NPAS3: variants seen among roughly 807,000 people sequenced by gnomAD.
NPAS3 encodes the protein neuronal PAS domain-containing protein 3.
Under a neutral mutation model 73.1 loss-of-function variants are expected in NPAS3, and 14 were observed. That is an observed-to-expected ratio of 0.19 (90% CI 0.13 to 0.30). NPAS3 has a LOEUF of 0.30. NPAS3 is among the 10% of genes least tolerant of loss of function. NPAS3 has a pLI of 1.00. For synonymous variants in NPAS3, 620 were observed against 541.5 expected, an observed-to-expected ratio of 1.14 and a Z score of -2.01; for missense variants, 1,096 against 1,250.0, an observed-to-expected ratio of 0.88 and a Z score of 1.86.
Position 33,172,938 on chromosome 14 carries a change from T to A in NPAS3, c.141-42244T>A, listed in dbSNP as rs139642517. ...AGGAGGTTATTATTAATCATGTAAT[T>A]TTAGTGAGAGAAAAACTTTATTTTC... On this transcript the variant is annotated intron_variant, in intron 2 of 11. Coordinates refer to ENST00000356141, the Ensembl canonical transcript of NPAS3. Among the ~76,000 whole-genome samples the A allele has an allele frequency of 1.9e-4, 29 of 152,242 alleles. No homozygotes were observed. In the East Asian group the frequency reaches 5.0e-3, roughly 26 times the overall value.
chr14:32,959,608 T>C (rs1017858928), intron 1 of NPAS3, among the ~76,000 whole-genome samples: 9 of 152,232 alleles, frequency 5.9e-5, no homozygotes, highest in South Asian at 2.1e-4. Flanking sequence ...CAGTTTCTCA[T>C]AGACAGAGAC....
intron 1 of NPAS3, among the ~76,000 whole-genome samples, chr14:32,946,344 A>ACGCGCG (rs1160316544): frequency 2.7e-4 from 29 of 107,908 alleles, no homozygotes; most frequent in African/African-American, 9.1e-4. Context: ...ACACACACAC[A>ACGCGCG]CGCGCACACA....
chr14:32,977,065 C>CACACACACAT (rs2037708876), intron 1 of NPAS3, among the ~76,000 whole-genome samples: 1 of 151,834 alleles, frequency 6.6e-6, no homozygotes, highest in African/African-American at 2.4e-5. Context: ...CACACACACA[C>CACACACACAT]ACATACACAC....
At chr14:33,068,277 G>A (rs2041350291) in intron 2 of NPAS3, among the ~76,000 whole-genome samples, 1 of 152,178 alleles carries the variant, frequency 6.6e-6, no homozygotes, top group Non-Finnish European at 1.5e-5. Flanking sequence ...CTGCCTTTCA[G>A]CCTCCCTATA....
At chr14:33,687,954 A>G (rs889973497) in intron 6 of NPAS3, among the ~76,000 whole-genome samples, 5 of 152,230 alleles carry the variant, frequency 3.3e-5, no homozygotes, top group African/African-American at 1.2e-4. Context: ...AGGTAAATCT[A>G]TGTATCAGTT....
intron 5 of NPAS3, among the ~76,000 whole-genome samples, chr14:33,610,508 C>T (rs530374388): frequency 6.6e-6 from 1 of 151,734 alleles, no homozygotes; most frequent in South Asian, 2.1e-4. Context: ...TCTTGTATGA[C>T]AAAAAAACAA....
intron 7 of NPAS3, among the ~76,000 whole-genome samples, chr14:33,745,679 T>A (rs2140720643): frequency 6.6e-6 from 1 of 152,332 alleles, no homozygotes; most frequent in South Asian, 2.1e-4. Context: ...AAAGTAGTAA[T>A]TCATCAGTAA....
chr14:33,442,412 TA>T (rs59873637), intron 4 of NPAS3, among the ~76,000 whole-genome samples: 13,406 of 147,424 alleles, frequency 0.091, 659 homozygotes, highest in African/African-American at 0.13. Context: ...GTTCCTGTCT[TA>T]AAAAAAAAAA....
At chr14:33,223,674 C>T (rs2047516744) in intron 3 of NPAS3, among the ~76,000 whole-genome samples, 2 of 152,064 alleles carry the variant, frequency 1.3e-5, no homozygotes. Context: ...AATAGTCTTC[C>T]TTGGACTATA....
intron 2 of NPAS3, among the ~76,000 whole-genome samples, chr14:33,175,073 T>C (rs2045537157): frequency 6.6e-6 from 1 of 152,206 alleles, no homozygotes; most frequent in Non-Finnish European, 1.5e-5. Context: ...ACTGTATTTT[T>C]TTTCTCTGAT....
chr14:32,939,324 C>A, exon 1 of NPAS3: 1 of 735,758 alleles, frequency 1.4e-6, no homozygotes, highest in East Asian at 3.3e-5. Flanking sequence ...AAGATGGCGC[C>A]CACCAAGCCC....
At chr14:33,259,724 T>G (rs2139946575) in intron 3 of NPAS3, among the ~76,000 whole-genome samples, 1 of 152,326 alleles carries the variant, frequency 6.6e-6, no homozygotes, top group East Asian at 1.9e-4. Context: ...GCATGAACCC[T>G]TGTCTATAGA....
At chr14:33,221,173 T>C (rs2047412138) in intron 3 of NPAS3, among the ~76,000 whole-genome samples, 1 of 152,178 alleles carries the variant, frequency 6.6e-6, no homozygotes, top group Non-Finnish European at 1.5e-5. Context: ...AGTTCTTTCA[T>C]GCTGATGGAG....
chr14:33,434,436 A>G (rs1269370739), intron 4 of NPAS3, among the ~76,000 whole-genome samples: 2 of 151,858 alleles, frequency 1.3e-5, no homozygotes, highest in African/African-American at 4.8e-5. Context: ...CTGAGGTGGG[A>G]GGATCACTTG....
chr14:33,374,920 G>C (rs1225922942), intron 4 of NPAS3, among the ~76,000 whole-genome samples: 1 of 152,126 alleles, frequency 6.6e-6, no homozygotes, highest in Non-Finnish European at 1.5e-5. Flanking sequence ...TTTGATGGTA[G>C]TGTTTTCAAA....
chr14:33,370,127 T>A (rs1354314828), intron 4 of NPAS3, among the ~76,000 whole-genome samples: 4 of 152,140 alleles, frequency 2.6e-5, no homozygotes, highest in Non-Finnish European at 4.4e-5. Flanking sequence ...TTTCAAATAC[T>A]TTATAAGAAC....
intron 3 of NPAS3, among the ~76,000 whole-genome samples, chr14:33,317,535 C>T (rs116856879): frequency 0.036 from 5,429 of 152,016 alleles, 114 homozygotes; most frequent in Non-Finnish European, 0.054. Context: ...GTGGGAGGGA[C>T]CTGGTGAGAG....
intron 2 of NPAS3, among the ~76,000 whole-genome samples, chr14:33,070,718 T>C (rs1470423009): frequency 1.3e-5 from 2 of 152,208 alleles, no homozygotes; most frequent in Non-Finnish European, 2.9e-5. Flanking sequence ...GTTCTACACA[T>C]GGGCCTGTAT....
chr14:33,802,074 G>A (rs180711800), downstream of NPAS3: 1 of 152,288 alleles, frequency 6.6e-6, no homozygotes, highest in Admixed American at 6.5e-5. Flanking sequence ...TTGAGGAGCA[G>A]TTTAGGTACA....
Sources: gnomAD v4.1 joint callset for allele counts (sites outside exome capture counted in the v4.1 genomes callset) on GRCh38, gnomAD v4.1.1 for gene constraint, MANE v1.5 for transcripts, NCBI Gene and HGNC (gene_info 2026-07-23, HGNC 2026-07-21) for gene names.